CEP192: variants seen among roughly 807,000 people sequenced by gnomAD.
CEP192 encodes the protein centrosomal protein 192.
In CEP192, 151 loss-of-function variants were observed where a neutral mutation model predicts 271.8. The ratio of observed to expected loss-of-function variants is 0.56; its 90% CI spans 0.49 to 0.64. The LOEUF (loss-of-function observed/expected upper bound fraction) is 0.64, where lower values mean the gene tolerates loss of function less well. Ranked by LOEUF, CEP192 falls within the 30% of genes least tolerant of loss-of-function variation. The pLI is 0.00. For missense variants in CEP192, 2,910 were observed against 3,020.5 expected (o/e 0.96, Z 0.86); for synonymous variants, 995 against 1,076.5 (o/e 0.92, Z 1.48).
chr18:13,116,731 T>C (rs1401474868), intron 43 of CEP192, among the ~76,000 whole-genome samples: 1 of 152,130 alleles, frequency 6.6e-6, no homozygotes, highest in Non-Finnish European at 1.5e-5. Flanking sequence ...TGCCTCAGCC[T>C]CCTGAGTAGC....
chr18:13,020,372 G>A (rs1205267186), intron 9 of CEP192, among the ~76,000 whole-genome samples: 1 of 152,096 alleles, frequency 6.6e-6, no homozygotes, highest in Non-Finnish European at 1.5e-5. Context: ...TAAGCGTGAT[G>A]TTTTCAAGGT....
Position 13,071,149 on chromosome 18 carries a change from T to C in CEP192, c.5285T>C (p.Ile1762Thr). 1.2e-6 allele frequency: 2 copies of C among 1,614,206 alleles called. No individual in the cohort carries two copies. The highest frequency in any genetic ancestry group is 2.2e-5 in the East Asian group (1 of 44,882). ...CTGTCACCTGGACCTTGCTTAGATA[T>C]TCCATCGATTTTGTCCAACAAACAA... The part of the protein sequence containing the change: ...KPLSPGPCLD[I>T]PSILSNKQFL... Residue 1762 changes from isoleucine (I) to threonine (T), a missense_variant, in exon 28 of 45, where the codon ATT becomes ACT. Physicochemically the swap from Ile to Thr is moderately conservative, Grantham distance 89 (BLOSUM62 -1). Coordinates refer to ENST00000506447, the MANE Select transcript of CEP192 (RefSeq NM_032142.4).
chr18:13,074,967 A>G (rs2038195446), intron 30 of CEP192, among the ~76,000 whole-genome samples: 1 of 152,222 alleles, frequency 6.6e-6, no homozygotes, highest in African/African-American at 2.4e-5. Flanking sequence ...ATAAAAATGT[A>G]TTGATTATTC....
chr18:13,008,969 A>G (rs574712712), intron 4 of CEP192, among the ~76,000 whole-genome samples: 87 of 150,852 alleles, frequency 5.8e-4, no homozygotes, highest in African/African-American at 2.0e-3. Flanking sequence ...TTGGCCTGCC[A>G]GAATGCTGGG....
At chr18:13,098,469 G>A (rs1326263314) in intron 36 of CEP192, among the ~76,000 whole-genome samples, 2 of 150,332 alleles carry the variant, frequency 1.3e-5, no homozygotes, top group Non-Finnish European at 1.5e-5. Flanking sequence ...CAGACGGGGC[G>A]GCTGGGCAGA....
At position 13,003,950 on chromosome 18, in the gene CEP192, A is replaced by G. The variant is rs1434545638; in HGVS notation, c.290+2368A>G. On this transcript the variant is annotated intron_variant, in intron 3 of 44. Transcript: ENST00000506447. ...TGCTTCACAGTGAGAAGCTGGGGACAGGAGGAATCAACAGCGAGATTAAGA... is the reference window on the plus strand; with the variant it reads ...TGCTTCACAGTGAGAAGCTGGGGACGGGAGGAATCAACAGCGAGATTAAGA... 5.3e-5 allele frequency among the ~76,000 whole-genome samples: 8 copies of G among 152,200 alleles called. No homozygotes were observed. In the East Asian group the frequency reaches 1.5e-3, roughly 29 times the overall value.
At chr18:13,089,040 GT>G in intron 32 of CEP192, 1 of 267,780 alleles carries the variant, frequency 3.7e-6, no homozygotes, top group East Asian at 9.1e-5. Flanking sequence ...CTACATTTCA[GT>G]TTTCTCACCT....
At chr18:13,079,235 A>G (rs930112959) in intron 30 of CEP192, among the ~76,000 whole-genome samples, 2 of 152,210 alleles carry the variant, frequency 1.3e-5, no homozygotes, top group Non-Finnish European at 2.9e-5. Context: ...TGATTGAACT[A>G]GTTTACACTC....
intron 4 of CEP192, among the ~76,000 whole-genome samples, chr18:13,009,014 G>GTTTTTTTTTTTTTTTTT (rs10586819): frequency 8.3e-6 from 1 of 120,432 alleles, no homozygotes. Context: ...TGGCCTTTTT[G>GTTTTTTTTTTTTTTTTT]TTTTTTTTTT....
chr18:13,008,386 TAATA>T, intron 3 of CEP192, 66 bp from the exon 4 acceptor site: 1 of 1,070,170 alleles, frequency 9.3e-7, no homozygotes, highest in Admixed American at 2.7e-5. Flanking sequence ...CATAACTGAT[TAATA>T]AATATTTTGT....
intron 15 of CEP192, among the ~76,000 whole-genome samples, chr18:13,043,647 A>G (rs2036324279): frequency 6.6e-6 from 1 of 152,122 alleles, no homozygotes; most frequent in South Asian, 2.1e-4. Context: ...CACACCAACC[A>G]CTAACCACCA....
intron 6 of CEP192, among the ~76,000 whole-genome samples, 175 bp from the exon 7 acceptor site, chr18:13,017,013 G>A (rs762360143): frequency 3.9e-5 from 6 of 152,108 alleles, no homozygotes; most frequent in Non-Finnish European, 8.8e-5. Context: ...GTATTAAAAT[G>A]TTCATAATGG....
At chr18:13,059,388 G>T in intron 21 of CEP192, 76 bp downstream of exon 21, 4 of 1,254,506 alleles carry the variant, frequency 3.2e-6, no homozygotes, top group Non-Finnish European at 3.4e-6. Context: ...GTAAAATTTG[G>T]GAAAAAGAAA....
At chr18:13,111,751 A>T (rs1277694956) in intron 40 of CEP192, among the ~76,000 whole-genome samples, 2 of 152,258 alleles carry the variant, frequency 1.3e-5, no homozygotes, top group Non-Finnish European at 2.9e-5. Flanking sequence ...TATCCAGAAT[A>T]CGTAAAGAAC....
intron 9 of CEP192, among the ~76,000 whole-genome samples, chr18:13,027,192 C>G (rs1042273779): frequency 6.6e-6 from 1 of 152,126 alleles, no homozygotes; most frequent in Non-Finnish European, 1.5e-5. Flanking sequence ...TTTCCCCAGG[C>G]TACTTAGGCT....
chr18:13,046,648 A>T (rs535463352), intron 15 of CEP192, among the ~76,000 whole-genome samples: 1 of 152,024 alleles, frequency 6.6e-6, no homozygotes, highest in South Asian at 2.1e-4. Context: ...TTTTCTTTTA[A>T]ATGTCTTATT....
intron 4 of CEP192, among the ~76,000 whole-genome samples, 188 bp downstream of exon 4, chr18:13,008,819 A>T (rs1463865237): frequency 6.7e-6 from 1 of 148,252 alleles, no homozygotes; most frequent in South Asian, 2.1e-4. Flanking sequence ...CTATCTTCCC[A>T]TCTCAGCCTC....
At position 13,083,640 on chromosome 18, in the gene CEP192, A is replaced by T. The variant is rs576835229; in HGVS notation, c.5617-3377A>T. Among the ~76,000 whole-genome samples, 5 of 152,290 alleles carry T rather than the reference A, an allele frequency of 3.3e-5. 1 individual carries two copies. The South Asian group carries it at 1.0e-3, about 32-fold the overall frequency. ...TGTCAGCTCATCAAAGTCATTGTCC[A>T]TGCAGCTTTGTTCTGTTGCTGGTGA... On this transcript the variant is annotated intron_variant, in intron 30 of 44. Transcript: ENST00000506447.
At chr18:13,036,448 C>G (rs986357025) in intron 11 of CEP192, among the ~76,000 whole-genome samples, 5 of 152,216 alleles carry the variant, frequency 3.3e-5, no homozygotes, top group African/African-American at 9.7e-5. Context: ...ATTCACTTTT[C>G]TCCTTTCTGC....
Sources: gnomAD v4.1 joint callset for allele counts (sites outside exome capture counted in the v4.1 genomes callset) on GRCh38, gnomAD v4.1.1 for gene constraint, MANE v1.5 for transcripts, NCBI Gene and HGNC (gene_info 2026-07-23, HGNC 2026-07-21) for gene names.